The following ANKRD13D variants were observed in gnomAD, a reference collection of about 807,000 sequenced individuals.
The protein encoded by ANKRD13D is ankyrin repeat domain-containing protein 13D.
In ANKRD13D, 24 loss-of-function variants were observed where a neutral mutation model predicts 68.8. That is an observed-to-expected ratio of 0.35 (90% confidence interval 0.25 to 0.49). ANKRD13D has a LOEUF of 0.49. ANKRD13D is among the 20% of genes least tolerant of loss of function. ANKRD13D has a pLI of 0.99. For synonymous variants in ANKRD13D, 331 were observed against 336.1 expected (o/e 0.98, Z 0.16); for missense variants, 735 against 832.1 (o/e 0.88, Z 1.44).
At position 67,300,900 on chromosome 11, in the gene ANKRD13D, G is replaced by T; in HGVS notation, c.1074-90G>T. 1 of 1,506,982 alleles carries T rather than the reference G, an allele frequency of 6.6e-7. No individual in the cohort carries two copies. The highest frequency in any genetic ancestry group is 9.0e-7 in the Non-Finnish European group (1 of 1,113,864). The allele number at this position is 1,506,982 out of a possible 1,614,324, so 93.4% of individuals were successfully genotyped here. ...GCACTCCAGGCCAGGCAGAAGGTGG[G>T]TAAAGGCAGCTGCCCACGAACCAGA... On this transcript the variant is annotated intron_variant, in intron 10 of 14. Transcript: ENST00000511455. The surrounding 1 kb of genome is among the most constrained non-coding windows in gnomAD (Gnocchi z 4.3).
chr11:67,291,218 G>A (rs913760660), intron 3 of ANKRD13D: 3 of 474,984 alleles, frequency 6.3e-6, no homozygotes, highest in African/African-American at 2.0e-5. Flanking sequence ...TTAGCTGGGA[G>A]TGGTGGCACA....
In ANKRD13D at chr11:67,290,435, A is replaced by T; in HGVS notation, c.340A>T (p.Lys114Ter). The change falls in exon 3 of 15, where the codon AAA (lysine) becomes TAA (stop). Residue 114 changes from lysine to a stop codon, truncating the protein, a stop_gained. Transcript: ENST00000511455. LOFTEE classifies it high-confidence loss of function. ...RLAGIPELLN[K>*]LRQAPDFYVE... ...GGCGGGCATTCCGGAACTGCTCAAC[A>T]AACTTCGCCAGGTACAGCAGGGCAC... 6.3e-7 allele frequency: 1 copy of T among 1,584,442 alleles called. No individual in the cohort carries two copies. Among genetic ancestry groups the T allele is most frequent in the Non-Finnish European group, 8.6e-7 (1 of 1,166,644 alleles).
intron 1 of ANKRD13D, 178 bp downstream of exon 1, chr11:67,289,728 C>T: frequency 1.4e-6 from 2 of 1,385,298 alleles, no homozygotes; most frequent in South Asian, 3.1e-5. Context: ...GAGCCTCTGG[C>T]CTCCTCTCCC....
rs1162150844 is a variant in ANKRD13D at position 67,296,935 on chromosome 11, CT to C, written c.732-2116del. Among the ~76,000 whole-genome samples the C allele has an allele frequency of 2.0e-5, 3 of 152,058 alleles. No individual in the cohort carries two copies. In the East Asian group the frequency reaches 5.8e-4, roughly 29 times the overall value. Reference sequence around the variant, plus strand: ...CCGCCCCCAGCCAAGTCTTCTCTCTCTTTTTTTGCCCACCGTGGTCAACCTA... The same window carrying C: ...CCGCCCCCAGCCAAGTCTTCTCTCTCTTTTTTGCCCACCGTGGTCAACCTA... On this transcript the variant is annotated intron_variant, in intron 6 of 14. Coordinates refer to ENST00000511455, the MANE Select transcript of ANKRD13D (RefSeq NM_207354.3).
chr11:67,293,310 G>A (rs560263760), intron 6 of ANKRD13D, among the ~76,000 whole-genome samples: 24 of 152,226 alleles, frequency 1.6e-4, no homozygotes, highest in African/African-American at 4.8e-4. Flanking sequence ...TCATCAACAC[G>A]TCATTATTCA....
intron 5 of ANKRD13D, 26 bp downstream of exon 5, chr11:67,291,772 G>A (rs1394897622): frequency 6.2e-7 from 1 of 1,611,368 alleles, no homozygotes; most frequent in East Asian, 2.2e-5. Flanking sequence ...ACTCATTGCA[G>A]CTCCTCGGCC....
intron 6 of ANKRD13D, among the ~76,000 whole-genome samples, chr11:67,292,832 G>A (rs1050544055): frequency 6.6e-6 from 1 of 152,018 alleles, no homozygotes; most frequent in Non-Finnish European, 1.5e-5. Context: ...CCCTCTCCCA[G>A]TCCTAAGCAA....
At position 67,301,737 on chromosome 11, in the gene ANKRD13D, C is replaced by G. The variant is rs557079696; in HGVS notation, c.1518C>G (p.Thr506=). The stretch of plus-strand genomic sequence containing the variant: ...GTGGGCTCTGGTGGCTGCAGGTGAC[C>G]GTCTGGGAAGCCCTGACCAACACCC... ...LEAGTEAEQV[T]VWEALTNTRP... Residue 506 remains threonine, a synonymous_variant, in exon 14 of 15, where the codon ACC becomes ACG. Coordinates refer to ENST00000511455, the MANE Select transcript of ANKRD13D (RefSeq NM_207354.3). This position sits in a 1 kb window ranked among gnomAD's most constrained non-coding sequence, Gnocchi z 4.5. 9.9e-6 allele frequency: 16 copies of G among 1,611,294 alleles called. No individual in the cohort carries two copies. Among genetic ancestry groups the G allele is most frequent in the Non-Finnish European group, 8.5e-7 (1 of 1,179,612 alleles).
In ANKRD13D at chr11:67,300,594, G is replaced by C; in HGVS notation, c.1074-396G>C. The C allele has an allele frequency of 2.5e-6, 1 of 397,550 alleles. No homozygotes were observed. Among genetic ancestry groups the C allele is most frequent in the Non-Finnish European group, 4.5e-6 (1 of 222,160 alleles). 24.6% of individuals were successfully genotyped at this position (397,550 alleles called of 1,614,324 possible). A position where few individuals can be genotyped will look rare whatever the true frequency, so the allele number is the denominator to read the frequency against. Reference sequence around the variant, plus strand: ...CTCTTAGCCACCCAACAGTCGCTGGGATTCGAACCCTGGCAGTCTTGCCCT... The same window carrying C: ...CTCTTAGCCACCCAACAGTCGCTGGCATTCGAACCCTGGCAGTCTTGCCCT... On this transcript the variant is annotated intron_variant, in intron 10 of 14. Transcript: ENST00000511455. The surrounding 1 kb of genome is among the most constrained non-coding windows in gnomAD (Gnocchi z 4.3).
chr11:67,295,047 C>T (rs561929044), intron 6 of ANKRD13D, among the ~76,000 whole-genome samples: 65 of 152,106 alleles, frequency 4.3e-4, no homozygotes, highest in Middle Eastern at 6.8e-3. Flanking sequence ...GTATTTCTTC[C>T]TTTCCAATTT....
Position 67,299,564 on chromosome 11 carries a change from G to A in ANKRD13D, c.833G>A (p.Arg278His), listed in dbSNP as rs773684002. The change falls in exon 8 of 15, where the codon CGC (arginine) becomes CAC (histidine). Residue 278 changes from arginine to histidine, a missense_variant. By Grantham distance (29) the Arg-to-His change is conservative. Transcript: ENST00000511455. The surrounding 1 kb of genome is among the most constrained non-coding windows in gnomAD (Gnocchi z 6.2). ...YSATNVELVT[R>H]TRTEHLSDQD... is the part of the protein sequence containing the mutation. ...GCCACCAACGTGGAGCTGGTGACAC[G>A]CACACGCACGGAGCACCTCTCTGAT... 11 of 1,550,946 alleles carry A rather than the reference G, an allele frequency of 7.1e-6. No homozygotes were observed. Among genetic ancestry groups the A allele is most frequent in the African/African-American group, 5.5e-5 (4 of 73,028 alleles).
chr11:67,297,595 G>A (rs1248136832), intron 6 of ANKRD13D, among the ~76,000 whole-genome samples: 2 of 149,836 alleles, frequency 1.3e-5, no homozygotes, highest in Admixed American at 6.7e-5. Context: ...GCACGATCTC[G>A]GCTTACTGCA....
Position 67,302,317 on chromosome 11 carries a change from A to G in ANKRD13D, c.1803A>G (p.Ser601=). 6.5e-7 allele frequency: 1 copy of G among 1,541,842 alleles called. No homozygotes were observed. Among genetic ancestry groups the G allele is most frequent in the South Asian group, 1.2e-5 (1 of 82,966 alleles). Residue 601 remains serine, a synonymous_variant, in exon 15 of 15, where the codon TCA becomes TCG. Coordinates refer to ENST00000511455, the MANE Select transcript of ANKRD13D (RefSeq NM_207354.3). ...EEDLQRILQL[S]LTEH is the part of the protein sequence containing the mutation. ...ACTTACAGCGGATCCTGCAGCTGTC[A>G]CTCACTGAGCACTGAGCCATAGCCC...
rs144238691 is a variant in ANKRD13D, at chr11:67,299,886, G to A, written c.940G>A (p.Gly314Arg). 20 of 1,546,102 alleles carry A rather than the reference G, an allele frequency of 1.3e-5. No homozygotes were observed. The highest frequency in any genetic ancestry group is 6.8e-5 in the East Asian group (3 of 44,212). Residue 314 changes from glycine to arginine, a missense_variant and splice_region_variant, in exon 9 of 15, where the codon GGG (glycine) becomes AGG (arginine). Physicochemically the swap from Gly to Arg is moderately radical, Grantham distance 125 (BLOSUM62 -2). Transcript: ENST00000511455. The surrounding 1 kb of genome is among the most constrained non-coding windows in gnomAD (Gnocchi z 6.2). ...GGCGCAGCAGCATTCCTCCCACACC[G>A]GGGTGAGCCGGGGCTGGGCCGAGAC... ...GMAQQHSSHT[G>R]APVQQAASPT...
Position 67,301,559 on chromosome 11 carries a change from G to A in ANKRD13D, c.1420G>A (p.Glu474Lys). The A allele has an allele frequency of 6.2e-7, 1 of 1,613,000 alleles. No homozygotes were observed. Among genetic ancestry groups the A allele is most frequent in the Non-Finnish European group, 8.5e-7 (1 of 1,180,006 alleles). Residue 474 changes from glutamate (E) to lysine (K), a missense_variant, in exon 13 of 15, where the codon GAG becomes AAG. Coordinates refer to ENST00000511455, the MANE Select transcript of ANKRD13D (RefSeq NM_207354.3). This position sits in a 1 kb window ranked among gnomAD's most constrained non-coding sequence, Gnocchi z 4.5. Reference sequence around the variant, plus strand: ...CAACGGGTACAGCGTGCTGGGCATGGAGCGCAACGAGCCCCTCCGGGACGA... The same window carrying A: ...CAACGGGTACAGCGTGCTGGGCATGAAGCGCAACGAGCCCCTCCGGGACGA... ...VPNGYSVLGMERNEPLRDEDD... is the reference protein window; with the variant it reads ...VPNGYSVLGMKRNEPLRDEDD...
At position 67,299,875 on chromosome 11, in the gene ANKRD13D, C is replaced by T. The variant is rs756643487; in HGVS notation, c.929C>T (p.Ser310Phe). ...QSFLGMAQQH[S>F]SHTGAPVQQA... ...TTCCTGGGGATGGCGCAGCAGCATTCCTCCCACACCGGGGTGAGCCGGGGC... is the reference window on the plus strand; with the variant it reads ...TTCCTGGGGATGGCGCAGCAGCATTTCTCCCACACCGGGGTGAGCCGGGGC... The change falls in exon 9 of 15, where the codon TCC becomes TTC. Residue 310 changes from serine to phenylalanine, a missense_variant. By Grantham distance (155) the Ser-to-Phe change is radical. Transcript: ENST00000511455. The surrounding 1 kb of genome is among the most constrained non-coding windows in gnomAD (Gnocchi z 6.2). 9 of 1,542,622 alleles carry T rather than the reference C, an allele frequency of 5.8e-6. No individual in the cohort carries two copies. The highest frequency in any genetic ancestry group is 7.9e-6 in the Non-Finnish European group (9 of 1,143,664).
intron 6 of ANKRD13D, among the ~76,000 whole-genome samples, chr11:67,297,134 G>T (rs1371398379): frequency 2.0e-5 from 3 of 152,108 alleles, no homozygotes; most frequent in East Asian, 3.9e-4. Context: ...AACATGGAAG[G>T]TTAGGTTAAG....
In ANKRD13D at chr11:67,289,351, G is replaced by C. The variant is rs1176845622; in HGVS notation, c.-110G>C. The stretch of plus-strand genomic sequence containing the variant: ...CGCCGCCGCCGCCGCCGCCGCTACT[G>C]CTGCGGGGGCCGCGGGGGGCGCAGC... On this transcript the variant is annotated 5_prime_UTR_variant, in exon 1 of 15. Transcript: ENST00000511455. 5 of 748,772 alleles carry C rather than the reference G, an allele frequency of 6.7e-6. No individual in the cohort carries two copies. The highest frequency in any genetic ancestry group is 8.4e-6 in the Non-Finnish European group (5 of 594,002). The allele number at this position is 748,772 out of a possible 1,614,324, so 46.4% of individuals were successfully genotyped here.
chr11:67,302,309 C>A lies in ANKRD13D; in HGVS notation c.1795C>A (p.Gln599Lys). 1 of 1,547,964 alleles carries A rather than the reference C, an allele frequency of 6.5e-7. No individual in the cohort carries two copies. Among genetic ancestry groups the A allele is most frequent in the South Asian group, 1.2e-5 (1 of 83,686 alleles). Residue 599 changes from glutamine (Q) to lysine (K), a missense_variant, in exon 15 of 15, where the codon CAG becomes AAG. Coordinates refer to ENST00000511455, the MANE Select transcript of ANKRD13D (RefSeq NM_207354.3). Reference sequence around the variant, plus strand: ...GGAGGAGGACTTACAGCGGATCCTGCAGCTGTCACTCACTGAGCACTGAGC... The same window carrying A: ...GGAGGAGGACTTACAGCGGATCCTGAAGCTGTCACTCACTGAGCACTGAGC... Reference protein sequence around the residue: ...QEEEDLQRILQLSLTEH With the variant: ...QEEEDLQRILKLSLTEH
Sources: gnomAD v4.1 joint callset for allele counts (sites outside exome capture counted in the v4.1 genomes callset) on GRCh38, gnomAD v4.1.1 for gene constraint, Gnocchi (gnomAD v3.1) non-coding constraint, MANE v1.5 for transcripts, NCBI Gene and HGNC (gene_info 2026-07-23, HGNC 2026-07-21) for gene names.